The following ZNF804B variants were observed in gnomAD, a reference collection of about 807,000 sequenced individuals.
The protein encoded by ZNF804B is zinc finger 804B.
In ZNF804B, 80 loss-of-function variants were observed where a neutral mutation model predicts 101.4. The observed-to-expected ratio is 0.79, with a 90% confidence interval of 0.66 to 0.95. The LOEUF is 0.95. ZNF804B is among the 40% of genes least tolerant of loss of function. The pLI is 0.00. For missense variants in ZNF804B, 1,673 were observed against 1,561.9 expected, an observed-to-expected ratio of 1.07 and a Z score of -1.20; for synonymous variants, 622 against 558.8, an observed-to-expected ratio of 1.11 and a Z score of -1.59.
intron 1 of ZNF804B, among the ~76,000 whole-genome samples, chr7:88,965,793 A>G (rs978968233): frequency 4.0e-5 from 6 of 151,488 alleles, no homozygotes; most frequent in Non-Finnish European, 7.4e-5. Flanking sequence ...ATAGCATATC[A>G]TTTATCTTTA....
At chr7:88,837,584 C>A (rs1331199409) in intron 1 of ZNF804B, among the ~76,000 whole-genome samples, 2 of 151,814 alleles carry the variant, frequency 1.3e-5, no homozygotes, top group African/African-American at 2.4e-5. Flanking sequence ...TGTAACAGGG[C>A]ATAATAATAT....
intron 1 of ZNF804B, among the ~76,000 whole-genome samples, chr7:89,206,749 T>C (rs980721970): frequency 1.3e-5 from 2 of 152,022 alleles, no homozygotes; most frequent in African/African-American, 4.8e-5. Flanking sequence ...CAAAACTCCA[T>C]CTCAAAAAAC....
Position 89,337,341 on chromosome 7 carries a change from G to A in ZNF804B, c.*309G>A, listed in dbSNP as rs1321377474. ...TAAAATAGCAACAGAAAACATTCAAGCAGAGCATTAAAATTAAAAAGAAAA... is the reference window on the plus strand; with the variant it reads ...TAAAATAGCAACAGAAAACATTCAAACAGAGCATTAAAATTAAAAAGAAAA... On this transcript the variant is annotated 3_prime_UTR_variant, in exon 4 of 4. Transcript: ENST00000333190. 6.6e-6 allele frequency among the ~76,000 whole-genome samples: 1 copy of A among 152,078 alleles called. No individual in the cohort carries two copies. The highest frequency in any genetic ancestry group is 1.5e-5 in the Non-Finnish European group (1 of 67,998).
chr7:88,859,672 A>C (rs1042748897), intron 1 of ZNF804B, among the ~76,000 whole-genome samples: 1 of 151,956 alleles, frequency 6.6e-6, no homozygotes, highest in Non-Finnish European at 1.5e-5. Flanking sequence ...TAGGACAGAA[A>C]TGCTTTCCAT....
intron 1 of ZNF804B, among the ~76,000 whole-genome samples, chr7:88,975,521 T>C (rs1793604943): frequency 6.6e-6 from 1 of 151,482 alleles, no homozygotes; most frequent in South Asian, 2.1e-4. Flanking sequence ...GATTTGCATA[T>C]CTCTCATGAT....
At chr7:88,908,710 C>T (rs955727028) in intron 1 of ZNF804B, among the ~76,000 whole-genome samples, 3 of 151,694 alleles carry the variant, frequency 2.0e-5, no homozygotes, top group Non-Finnish European at 3.0e-5. Context: ...ACATTTTTTG[C>T]TCACTGCAAG....
chr7:89,105,790 A>G (rs765507994), intron 1 of ZNF804B, among the ~76,000 whole-genome samples: 2 of 152,198 alleles, frequency 1.3e-5, no homozygotes, highest in Non-Finnish European at 2.9e-5. Context: ...CCCAGATACC[A>G]GTAGCAAGCC....
intron 1 of ZNF804B, among the ~76,000 whole-genome samples, chr7:88,801,118 T>C (rs1000612596): frequency 2.6e-5 from 4 of 151,808 alleles, no homozygotes; most frequent in Non-Finnish European, 5.9e-5. Flanking sequence ...AGTAAGTTCT[T>C]TAGTGGTGAT....
At chr7:89,171,282 GCTGCTGCTTCTTCTTCTTCTT>G (rs1297006498) in intron 1 of ZNF804B, among the ~76,000 whole-genome samples, 3,147 of 95,346 alleles carry the variant, frequency 0.033, 132 homozygotes, top group South Asian at 0.084. Context: ...AAATAATGCT[GCTGCTGCTTCTTCTTCTTCTT>G]CTTCTTCTTC....
chr7:89,031,317 C>T (rs17166346), intron 1 of ZNF804B, among the ~76,000 whole-genome samples: 5,678 of 151,384 alleles, frequency 0.038, 138 homozygotes, highest in East Asian at 0.12. Context: ...TTACCCTTTG[C>T]GCACGGCCCC....
At chr7:89,180,098 C>T (rs1449263884) in intron 1 of ZNF804B, among the ~76,000 whole-genome samples, 1 of 152,102 alleles carries the variant, frequency 6.6e-6, no homozygotes, top group Non-Finnish European at 1.5e-5. Flanking sequence ...CTGGGCCAGA[C>T]TTGACGTCAG....
intron 1 of ZNF804B, among the ~76,000 whole-genome samples, chr7:89,111,445 T>C (rs1434384103): frequency 4.6e-5 from 1 of 21,516 alleles, no homozygotes; most frequent in African/African-American, 5.7e-4. Flanking sequence ...TAGTATTGCC[T>C]TGTTGTTTTA....
rs374307501 is a variant in ZNF804B at position 89,020,085 on chromosome 7, C to T, written c.109-198070C>T. ...TATAAGTTGTGACAATGCAGCCACCCATGTGGGCTTGCTGTAATAAAGATA... is the reference window on the plus strand; with the variant it reads ...TATAAGTTGTGACAATGCAGCCACCTATGTGGGCTTGCTGTAATAAAGATA... On this transcript the variant is annotated intron_variant, in intron 1 of 3. Transcript: ENST00000333190. Among the ~76,000 whole-genome samples, 21 of 152,170 alleles carry T rather than the reference C, an allele frequency of 1.4e-4. No individual in the cohort carries two copies. In the East Asian group the frequency reaches 4.0e-3, roughly 29 times the overall value.
intron 2 of ZNF804B, among the ~76,000 whole-genome samples, chr7:89,285,292 G>A (rs376206835): frequency 1.3e-5 from 2 of 151,676 alleles, no homozygotes; most frequent in African/African-American, 4.8e-5. Context: ...GGAGCCCGAG[G>A]CGGGTGGATC....
chr7:89,041,253 A>C (rs1229653188), intron 1 of ZNF804B, among the ~76,000 whole-genome samples: 1 of 152,080 alleles, frequency 6.6e-6, no homozygotes, highest in Non-Finnish European at 1.5e-5. Flanking sequence ...AGTCTGTGGG[A>C]GTCAGCCTGA....
At chr7:89,159,479 T>C (rs1791026336) in intron 1 of ZNF804B, among the ~76,000 whole-genome samples, 1 of 152,008 alleles carries the variant, frequency 6.6e-6, no homozygotes, top group Admixed American at 6.6e-5. Flanking sequence ...TGTAAAATGG[T>C]GATTAGATTA....
intron 2 of ZNF804B, among the ~76,000 whole-genome samples, chr7:89,295,689 AG>A (rs1346800870): frequency 1.3e-5 from 2 of 152,246 alleles, no homozygotes; most frequent in East Asian, 3.9e-4. Context: ...ATCGATCTCA[AG>A]GTCCTAAAAA....
intron 2 of ZNF804B, among the ~76,000 whole-genome samples, chr7:89,278,495 C>G (rs1208862): frequency 6.7e-6 from 1 of 149,688 alleles, no homozygotes; most frequent in Non-Finnish European, 1.5e-5. Context: ...TCTAACGTTT[C>G]AGTCTTTAAT....
chr7:88,910,613 A>G (rs1287286837), intron 1 of ZNF804B, among the ~76,000 whole-genome samples: 4 of 152,038 alleles, frequency 2.6e-5, no homozygotes, highest in Non-Finnish European at 4.4e-5. Flanking sequence ...TCTTGGATCT[A>G]TTTTACAATT....
Sources: allele counts gnomAD v4.1 joint callset (sites outside exome capture counted in the v4.1 genomes callset), GRCh38; gene constraint gnomAD v4.1.1; transcripts MANE v1.5; gene names NCBI Gene and HGNC (gene_info 2026-07-23, HGNC 2026-07-21).